The following ADGRD1 variants were observed in gnomAD, a reference collection of about 807,000 sequenced individuals.
ADGRD1 encodes G-protein coupled receptor 133.
Under a neutral mutation model 113.4 loss-of-function variants are expected in ADGRD1, and 77 were observed. The ratio of observed to expected loss-of-function variants is 0.68; its 90% confidence interval spans 0.57 to 0.82. The LOEUF (loss-of-function observed/expected upper bound fraction) is 0.82. Ranked by LOEUF, ADGRD1 falls within the 40% of genes least tolerant of loss-of-function variation. The pLI is 0.00. For synonymous variants in ADGRD1, 474 were observed against 475.0 expected, an observed-to-expected ratio of 1.00 and a Z score of 0.03; for missense variants, 1,036 against 1,139.1, an observed-to-expected ratio of 0.91 and a Z score of 1.30.
At chr12:131,065,271 G>T (rs73166640) in intron 13 of ADGRD1, among the ~76,000 whole-genome samples, 34,124 of 152,158 alleles carry the variant, frequency 0.22, 4,630 homozygotes, top group South Asian at 0.42. Flanking sequence ...CTTGGGAAGC[G>T]ATTGACCAGA....
chr12:131,062,865 A>G (rs1448937886), intron 13 of ADGRD1, among the ~76,000 whole-genome samples: 2 of 152,180 alleles, frequency 1.3e-5, no homozygotes, highest in Non-Finnish European at 2.9e-5. Flanking sequence ...GTACCTTTTT[A>G]CATTTCCATG....
chr12:131,044,791 C>T (rs1403167715), intron 13 of ADGRD1, among the ~76,000 whole-genome samples: 1 of 152,254 alleles, frequency 6.6e-6, no homozygotes. Context: ...TGAGCCGCAG[C>T]GGCGCTCTGG....
Position 131,113,999 on chromosome 12 carries a change from A to ACACG in ADGRD1, c.2042-4382_2042-4379dup, listed in dbSNP as rs1950405183. ...CATACGTGCATGTGTGCACGCACAC[A>ACACG]CACGCACACACACTCACACTCTCCA... On this transcript the variant is annotated intron_variant, in intron 18 of 24. Transcript: ENST00000261654. The surrounding 1 kb of genome is among the most constrained non-coding windows in gnomAD (Gnocchi z 4.9). 6.6e-6 allele frequency among the ~76,000 whole-genome samples: 1 copy of ACACG among 152,216 alleles called. No homozygotes were observed. Among genetic ancestry groups the ACACG allele is most frequent in the Non-Finnish European group, 1.5e-5 (1 of 68,038 alleles).
At chr12:131,061,728 A>T (rs930675778) in intron 13 of ADGRD1, among the ~76,000 whole-genome samples, 1 of 152,180 alleles carries the variant, frequency 6.6e-6, no homozygotes, top group South Asian at 2.1e-4. Flanking sequence ...TCATGGAATC[A>T]CCACTGAAAT....
rs1951185880 is a variant in ADGRD1, at chr12:131,139,197, C to T, written c.2559C>T (p.Ser853=). The T allele has an allele frequency of 6.2e-7, 1 of 1,613,182 alleles. No homozygotes were observed. Among genetic ancestry groups the T allele is most frequent in the Non-Finnish European group, 8.5e-7 (1 of 1,179,908 alleles). The change falls in exon 25 of 25, where the codon TCC becomes TCT. Residue 853 remains serine, a synonymous_variant. Transcript: ENST00000261654. ...ATGGGACCCGGCCAGGCATGGCCTC[C>T]ACCAAGCTCAGCCCTTGGGACAAGA... The part of the protein sequence containing the change: ...LMNGTRPGMA[S]TKLSPWDKSS...
Position 131,003,446 on chromosome 12 carries a change from GA to G in ADGRD1, c.1144+148del. The G allele has an allele frequency of 1.5e-6, 1 of 672,724 alleles. No homozygotes were observed. The highest frequency in any genetic ancestry group is 2.7e-6 in the Non-Finnish European group (1 of 377,268). 41.7% of individuals were successfully genotyped at this position (672,724 alleles called of 1,614,324 possible). On this transcript the variant is annotated intron_variant, in intron 10 of 24. Coordinates refer to ENST00000261654, the MANE Select transcript of ADGRD1 (RefSeq NM_198827.5). The surrounding 1 kb of genome is among the most constrained non-coding windows in gnomAD (Gnocchi z 4.8). ...GCCTGGCACAAACCACATTTGGAAG[GA>G]AAACCCGTGGTCAGATGAGGGCAGG... is the stretch of plus-strand genomic sequence containing the variant.
intron 15 of ADGRD1, among the ~76,000 whole-genome samples, chr12:131,104,131 G>A (rs984020263): frequency 6.6e-6 from 1 of 152,228 alleles, no homozygotes; most frequent in Non-Finnish European, 1.5e-5. Flanking sequence ...CAGCAGACAC[G>A]GGTGCTGGCG....
In ADGRD1 at chr12:131,098,196, A is replaced by ACCGC. The variant is rs1949983951; in HGVS notation, c.1672-6634_1672-6633insCGCC. On this transcript the variant is annotated intron_variant, in intron 15 of 24. Coordinates refer to ENST00000261654, the MANE Select transcript of ADGRD1 (RefSeq NM_198827.5). ...CAGTGGCTGCTGTCTGGGCTGCCTC[A>ACCGC]CTGCCTTCTCTGCTTTTTCAGGGCT... 2.6e-4 allele frequency among the ~76,000 whole-genome samples: 7 copies of ACCGC among 27,192 alleles called. 1 individual carries two copies. The highest frequency in any genetic ancestry group is 1.3e-3 in the Admixed American group (2 of 1,594). 17.8% of individuals were successfully genotyped at this position (27,192 alleles called of 152,430 possible). A position where few individuals can be genotyped will look rare whatever the true frequency, so the allele number is the denominator to read the frequency against.
intron 13 of ADGRD1, among the ~76,000 whole-genome samples, chr12:131,051,729 A>G (rs560614695): frequency 6.6e-6 from 1 of 152,196 alleles, no homozygotes; most frequent in African/African-American, 2.4e-5. Flanking sequence ...CAGGCAGTCC[A>G]CCTGCCTTGG....
intron 13 of ADGRD1, among the ~76,000 whole-genome samples, chr12:131,052,281 C>A (rs1040710033): frequency 6.6e-6 from 1 of 152,220 alleles, no homozygotes; most frequent in Non-Finnish European, 1.5e-5. Flanking sequence ...GAGTCCCACC[C>A]TGGTCAGGGC....
chr12:131,030,558 G>C (rs1206111945), intron 13 of ADGRD1: 1 of 152,274 alleles, frequency 6.6e-6, no homozygotes, highest in African/African-American at 2.4e-5. Flanking sequence ...GGGTCAGACA[G>C]AAGCTTGCTG....
At chr12:131,130,757 G>C (rs552286318) in intron 20 of ADGRD1, among the ~76,000 whole-genome samples, 7 of 150,054 alleles carry the variant, frequency 4.7e-5, no homozygotes, top group Non-Finnish European at 7.4e-5. Context: ...TCCCGTGCGG[G>C]GGGAGAGCGA....
At chr12:131,121,139 A>G (rs1950583070) in intron 20 of ADGRD1, among the ~76,000 whole-genome samples, 1 of 152,230 alleles carries the variant, frequency 6.6e-6, no homozygotes, top group Non-Finnish European at 1.5e-5. Flanking sequence ...TCGAGGCCCC[A>G]GGGCTCTTCC....
intron 15 of ADGRD1, among the ~76,000 whole-genome samples, chr12:131,095,647 G>A (rs1263229983): frequency 6.6e-6 from 1 of 152,222 alleles, no homozygotes; most frequent in Non-Finnish European, 1.5e-5. Context: ...TAGCCCGGCC[G>A]AGGGATCGGG....
At chr12:131,061,785 C>T (rs1315760115) in intron 13 of ADGRD1, among the ~76,000 whole-genome samples, 1 of 152,186 alleles carries the variant, frequency 6.6e-6, no homozygotes, top group Non-Finnish European at 1.5e-5. Flanking sequence ...TCGTTGCTAT[C>T]CTGCCTTCCT....
intron 8 of ADGRD1, among the ~76,000 whole-genome samples, chr12:130,996,924 C>T (rs1875519191): frequency 7.7e-6 from 1 of 130,632 alleles, no homozygotes; most frequent in South Asian, 2.5e-4. Flanking sequence ...AGAGGAGCCC[C>T]TCACCTCCCG....
chr12:130,984,016 A>T lies in ADGRD1; in HGVS notation c.490+1953A>T, dbSNP rs1873333303. 6.6e-6 allele frequency among the ~76,000 whole-genome samples: 1 copy of T among 152,122 alleles called. No homozygotes were observed. Among genetic ancestry groups the T allele is most frequent in the Non-Finnish European group, 1.5e-5 (1 of 68,018 alleles). On this transcript the variant is annotated intron_variant, in intron 5 of 24. Coordinates refer to ENST00000261654, the MANE Select transcript of ADGRD1 (RefSeq NM_198827.5). This position sits in a 1 kb window ranked among gnomAD's most constrained non-coding sequence, Gnocchi z 4.1. ...GATGGAGGTTCCTGAATGAGCAGGG[A>T]GGTTGGTCTTCCCTCTACCAACTCA... is the stretch of plus-strand genomic sequence containing the variant.
In ADGRD1 at chr12:131,048,982, A is replaced by G. The variant is rs185649902; in HGVS notation, c.1474-27819A>G. ...AGGAGAATGGGTTTTAAGGGATGGG[A>G]GAGAGAGAGAGAGGGTGAGAATGGG... On this transcript the variant is annotated intron_variant, in intron 13 of 24. Coordinates refer to ENST00000261654, the MANE Select transcript of ADGRD1 (RefSeq NM_198827.5). 1.7e-3 allele frequency among the ~76,000 whole-genome samples: 265 copies of G among 151,794 alleles called. 1 individual carries two copies. Among genetic ancestry groups the G allele is most frequent in the African/African-American group, 6.2e-3 (258 of 41,476 alleles).
At chr12:131,104,221 G>T (rs1031494705) in intron 15 of ADGRD1, among the ~76,000 whole-genome samples, 1 of 152,028 alleles carries the variant, frequency 6.6e-6, no homozygotes, top group Non-Finnish European at 1.5e-5. Flanking sequence ...GACTGGGAGG[G>T]TTGTGGCCTC....
Sources: gnomAD v4.1 joint callset for allele counts (sites outside exome capture counted in the v4.1 genomes callset) on GRCh38, gnomAD v4.1.1 for gene constraint, Gnocchi (gnomAD v3.1) non-coding constraint, MANE v1.5 for transcripts, NCBI Gene and HGNC (gene_info 2026-07-23, HGNC 2026-07-21) for gene names.